Variants in CEP57 observed in about 807,000 individuals in gnomAD.
CEP57 encodes the protein centrosomal protein of 57 kDa.
A neutral mutation model predicts 68.0 loss-of-function variants in CEP57; 40 were observed. The observed-to-expected ratio is 0.59, with a 90% confidence interval of 0.46 to 0.77. The LOEUF (loss-of-function observed/expected upper bound fraction) is 0.77. Among genes scored for constraint, CEP57 ranks in the 30% least tolerant of loss-of-function variants. CEP57 has a pLI of 0.00. For missense variants in CEP57, 606 were observed against 580.7 expected (o/e 1.04, Z -0.45); for synonymous variants, 219 against 198.7 (o/e 1.10, Z -0.86).
intron 2 of CEP57, among the ~76,000 whole-genome samples, chr11:95,812,118 T>C (rs1343814608): frequency 6.6e-6 from 1 of 152,172 alleles, no homozygotes; most frequent in African/African-American, 2.4e-5. Context: ...AAGCGGACTT[T>C]AGAAAGTACT....
At chr11:95,811,091 AC>A (rs1328440125) in intron 2 of CEP57, among the ~76,000 whole-genome samples, 1 of 152,220 alleles carries the variant, frequency 6.6e-6, no homozygotes, top group Non-Finnish European at 1.5e-5. Flanking sequence ...CTGGGCATAT[AC>A]CCAAAGGATT....
At chr11:95,791,097 C>T (rs1162728670) in intron 1 of CEP57, among the ~76,000 whole-genome samples, 1 of 152,186 alleles carries the variant, frequency 6.6e-6, no homozygotes, top group African/African-American at 2.4e-5. Context: ...AGCGGCCCCT[C>T]TAGGAAACTC....
chr11:95,810,801 C>T (rs1205016366), intron 2 of CEP57, among the ~76,000 whole-genome samples: 2 of 152,102 alleles, frequency 1.3e-5, no homozygotes, highest in Non-Finnish European at 2.9e-5. Flanking sequence ...CAATGCCATC[C>T]CCATCAAGCT....
rs1861473118 is a variant in CEP57, at chr11:95,799,277, C to T, written c.91C>T (p.His31Tyr). The T allele has an allele frequency of 3.7e-6, 6 of 1,613,990 alleles. No homozygotes were observed. The highest frequency in any genetic ancestry group is 5.1e-6 in the Non-Finnish European group (6 of 1,179,984). Residue 31 changes from histidine (H) to tyrosine (Y), a missense_variant, in exon 2 of 11, where the codon CAT (histidine) becomes TAT (tyrosine). His to Tyr is a moderately conservative substitution (Grantham distance 83). Transcript: ENST00000325542. ...PSRSNGSMVR[H>Y]SSSPYVVYPS... is the part of the protein sequence containing the mutation. ...AAGGTCTAATGGAAGCATGGTTCGG[C>T]ATTCTTCATCTCCATATGTAGTATA...
chr11:95,796,237 T>C (rs192281578), intron 1 of CEP57, among the ~76,000 whole-genome samples: 1,933 of 152,348 alleles, frequency 0.013, 45 homozygotes, highest in South Asian at 0.035. Flanking sequence ...TTGAATTATG[T>C]GTTCCTAAAT....
Position 95,812,587 on chromosome 11 carries a change from C to T in CEP57, c.203-345C>T, listed in dbSNP as rs531820080. On this transcript the variant is annotated intron_variant, in intron 2 of 10. Transcript: ENST00000325542. ...CCTCCCGAGTAGCTGGGATTACAGGCGCCCGCCACTATGCCTGCCTAATTT... is the reference window on the plus strand; with the variant it reads ...CCTCCCGAGTAGCTGGGATTACAGGTGCCCGCCACTATGCCTGCCTAATTT... Among the ~76,000 whole-genome samples, 599 of 151,638 alleles carry T rather than the reference C, an allele frequency of 4.0e-3. 5 individuals are homozygous for T. Among genetic ancestry groups the T allele is most frequent in the African/African-American group, 0.014 (578 of 41,418 alleles).
intron 4 of CEP57, among the ~76,000 whole-genome samples, chr11:95,815,528 TAATA>T (rs1862264256): frequency 6.6e-6 from 1 of 152,120 alleles, no homozygotes; most frequent in Non-Finnish European, 1.5e-5. Flanking sequence ...TATGGGAACT[TAATA>T]AAGAAAAGTT....
intron 1 of CEP57, among the ~76,000 whole-genome samples, chr11:95,797,875 TAAATG>T (rs1861417430): frequency 6.6e-6 from 1 of 152,230 alleles, no homozygotes; most frequent in Non-Finnish European, 1.5e-5. Context: ...TTTTGAATAT[TAAATG>T]ATAGGATTCT....
intron 4 of CEP57, among the ~76,000 whole-genome samples, chr11:95,814,708 C>G (rs532984566): frequency 6.6e-6 from 1 of 152,208 alleles, no homozygotes; most frequent in Admixed American, 6.5e-5. Flanking sequence ...TGTTATGAAT[C>G]TAGAGTTTGC....
chr11:95,794,744 A>G (rs1407796913), intron 1 of CEP57, among the ~76,000 whole-genome samples: 2 of 152,076 alleles, frequency 1.3e-5, no homozygotes, highest in Non-Finnish European at 2.9e-5. Flanking sequence ...TTTCTGTTTA[A>G]GAAATTCTTC....
At chr11:95,803,823 G>T (rs1036458947) in intron 2 of CEP57, among the ~76,000 whole-genome samples, 4 of 151,912 alleles carry the variant, frequency 2.6e-5, no homozygotes, top group Non-Finnish European at 5.9e-5. Flanking sequence ...TGATGTTTCG[G>T]ACAAAAGTCC....
At chr11:95,819,432 G>T (rs1434884873) in intron 6 of CEP57, among the ~76,000 whole-genome samples, 1 of 152,158 alleles carries the variant, frequency 6.6e-6, no homozygotes, top group Non-Finnish European at 1.5e-5. Flanking sequence ...AATAGGTGAG[G>T]CAGTGTGGAT....
chr11:95,830,619 C>T (rs1862959644), intron 10 of CEP57, among the ~76,000 whole-genome samples: 1 of 152,106 alleles, frequency 6.6e-6, no homozygotes, highest in Non-Finnish European at 1.5e-5. Context: ...ATATCTTTCT[C>T]CTCTTCTCCC....
Position 95,821,893 on chromosome 11 carries a change from A to G in CEP57, c.722A>G (p.Asn241Ser). 5.6e-6 allele frequency: 9 copies of G among 1,611,954 alleles called. No homozygotes were observed. Among genetic ancestry groups the G allele is most frequent in the Non-Finnish European group, 7.6e-6 (9 of 1,179,200 alleles). ...TAGTTGCAGACTGGTCTAGAAACAA[A>G]TAGACTTATCTTTGAAGATAAGGCA... ...AAELQTGLET[N>S]RLIFEDKATP... The change falls in exon 7 of 11, where the codon AAT (asparagine) becomes AGT (serine). Residue 241 changes from asparagine to serine, a missense_variant. Coordinates refer to ENST00000325542, the MANE Select transcript of CEP57 (RefSeq NM_014679.5).
intron 2 of CEP57, among the ~76,000 whole-genome samples, chr11:95,807,939 G>C (rs957360906): frequency 6.6e-6 from 1 of 152,120 alleles, no homozygotes; most frequent in East Asian, 1.9e-4. Flanking sequence ...AAGTTAAAAT[G>C]AAGGAAAAAA....
intron 9 of CEP57, among the ~76,000 whole-genome samples, chr11:95,828,259 A>G (rs1862841380): frequency 6.6e-6 from 1 of 152,156 alleles, no homozygotes; most frequent in Non-Finnish European, 1.5e-5. Flanking sequence ...TTTAAGTTTT[A>G]TTTCTTTGAG....
intron 4 of CEP57, among the ~76,000 whole-genome samples, chr11:95,816,019 A>G (rs892704358): frequency 3.3e-5 from 5 of 151,948 alleles, no homozygotes. Context: ...CTTGCTTTCA[A>G]AATTGCTGTG....
At chr11:95,811,074 C>T (rs1054827631) in intron 2 of CEP57, among the ~76,000 whole-genome samples, 56 of 152,186 alleles carry the variant, frequency 3.7e-4, no homozygotes, top group Non-Finnish European at 4.6e-4. Flanking sequence ...ACCCAGCCAT[C>T]CCATTACTGG....
chr11:95,800,852 T>G (rs1157850881), intron 2 of CEP57, among the ~76,000 whole-genome samples: 1 of 152,252 alleles, frequency 6.6e-6, no homozygotes. Flanking sequence ...TTTCTTCATC[T>G]GTATCTTTTA....
Sources: gnomAD v4.1 joint callset for allele counts (sites outside exome capture counted in the v4.1 genomes callset) on GRCh38, gnomAD v4.1.1 for gene constraint, MANE v1.5 for transcripts, NCBI Gene and HGNC (gene_info 2026-07-23, HGNC 2026-07-21) for gene names.